Variants in RABGAP1L observed in about 807,000 individuals in gnomAD.
RABGAP1L encodes rab GTPase-activating protein 1-like.
A neutral mutation model predicts 137.7 loss-of-function variants in RABGAP1L; 63 were observed. The observed-to-expected ratio is 0.46, with a 90% CI of 0.37 to 0.56. The LOEUF (loss-of-function observed/expected upper bound fraction) is 0.56, where lower values mean the gene tolerates loss of function less well. Among genes scored for constraint, RABGAP1L ranks in the 20% least tolerant of loss-of-function variants. The pLI is 0.00. For missense variants in RABGAP1L, 1,095 were observed against 1,244.0 expected (o/e 0.88, Z 1.80); for synonymous variants, 431 against 433.7 (o/e 0.99, Z 0.08).
chr1:174,349,315 C>T (rs1376327592), intron 11 of RABGAP1L, among the ~76,000 whole-genome samples: 7 of 123,384 alleles, frequency 5.7e-5, no homozygotes, highest in Middle Eastern at 4.6e-3. Flanking sequence ...CGGGCAGAGG[C>T]GCCCCTCACC....
intron 11 of RABGAP1L, 53 bp from the exon 12 acceptor site, chr1:174,370,926 A>G: frequency 1.1e-6 from 1 of 926,606 alleles, no homozygotes; most frequent in Non-Finnish European, 1.6e-6. Context: ...TATATAAAGT[A>G]TCTACTGTAA....
intron 11 of RABGAP1L, among the ~76,000 whole-genome samples, chr1:174,309,023 C>T (rs1170486443): frequency 6.6e-6 from 1 of 151,950 alleles, no homozygotes; most frequent in Non-Finnish European, 1.5e-5. Flanking sequence ...TATCACTCCA[C>T]TTATTTGTAT....
intron 3 of RABGAP1L, 26 bp downstream of exon 3, chr1:174,221,190 A>G (rs769735194): frequency 1.9e-5 from 27 of 1,439,272 alleles, no homozygotes; most frequent in East Asian, 5.1e-5. Flanking sequence ...CTTAGAAACT[A>G]TTAAAGAAAT....
chr1:174,433,526 T>C (rs1466835395), intron 13 of RABGAP1L, among the ~76,000 whole-genome samples: 4 of 152,204 alleles, frequency 2.6e-5, no homozygotes, highest in Non-Finnish European at 4.4e-5. Context: ...ACTTGGCCCA[T>C]TGTCTTAGAT....
intron 19 of RABGAP1L, among the ~76,000 whole-genome samples, chr1:174,952,710 C>T (rs987422194): frequency 5.3e-5 from 8 of 152,102 alleles, no homozygotes; most frequent in Non-Finnish European, 1.0e-4. Context: ...CCACCTCAGC[C>T]TCCCAAGTAG....
chr1:174,295,690 T>G lies in RABGAP1L; in HGVS notation c.1324-9296T>G, dbSNP rs956220762. Among the ~76,000 whole-genome samples the G allele has an allele frequency of 1.1e-4, 16 of 151,874 alleles. No individual in the cohort carries two copies. The Middle Eastern group carries it at 0.01, about 97-fold the overall frequency. The stretch of plus-strand genomic sequence containing the variant: ...TGAGCCACCGCAGCCAGCCTTTTTT[T>G]TTTTTTTTGGTAGCAGTGGGGTCTC... On this transcript the variant is annotated intron_variant, in intron 10 of 25. Coordinates refer to ENST00000681986, the MANE Select transcript of RABGAP1L (RefSeq NM_001366446.1).
chr1:174,460,884 A>T (rs1005037915), intron 13 of RABGAP1L, among the ~76,000 whole-genome samples: 5 of 152,226 alleles, frequency 3.3e-5, no homozygotes, highest in Non-Finnish European at 7.4e-5. Context: ...GGATGGATGG[A>T]TGGATGAATT....
chr1:174,462,476 G>T (rs1450624965), intron 13 of RABGAP1L, among the ~76,000 whole-genome samples: 6 of 151,776 alleles, frequency 4.0e-5, no homozygotes, highest in Non-Finnish European at 8.8e-5. Context: ...TGAAACCTTT[G>T]TTCCATTTCT....
At chr1:174,250,918 G>A (rs1388740985) in intron 6 of RABGAP1L, among the ~76,000 whole-genome samples, 6 of 151,870 alleles carry the variant, frequency 4.0e-5, no homozygotes, top group African/African-American at 1.5e-4. Flanking sequence ...CTCCTGCCTC[G>A]GCCTCCTAAG....
intron 10 of RABGAP1L, among the ~76,000 whole-genome samples, chr1:174,302,670 G>A (rs1677831984): frequency 6.6e-6 from 1 of 152,176 alleles, no homozygotes; most frequent in African/African-American, 2.4e-5. Context: ...AAGTTTCTAT[G>A]ACTTGACTTT....
intron 1 of RABGAP1L, among the ~76,000 whole-genome samples, chr1:174,162,775 C>CTTTT (rs1571316527): frequency 8.5e-5 from 2 of 23,440 alleles, no homozygotes; most frequent in African/African-American, 1.8e-4. Context: ...TTTTCTCTTT[C>CTTTT]TGTTTTTTTT....
chr1:174,523,172 A>G (rs891129711), intron 13 of RABGAP1L, among the ~76,000 whole-genome samples: 2 of 152,200 alleles, frequency 1.3e-5, no homozygotes, highest in South Asian at 2.1e-4. Flanking sequence ...AAGACTTACA[A>G]ATTCCCTGGG....
chr1:174,177,074 TCAAAA>T (rs773439984), intron 1 of RABGAP1L, among the ~76,000 whole-genome samples: 3 of 152,176 alleles, frequency 2.0e-5, no homozygotes, highest in African/African-American at 4.8e-5. Flanking sequence ...AGACCCTCTC[TCAAAA>T]CAAAACAAAA....
intron 10 of RABGAP1L, among the ~76,000 whole-genome samples, chr1:174,288,446 T>C (rs1037988123): frequency 6.6e-6 from 1 of 152,192 alleles, no homozygotes; most frequent in South Asian, 2.1e-4. Context: ...TTTCTCTCTT[T>C]CATTTCTGCT....
intron 1 of RABGAP1L, among the ~76,000 whole-genome samples, chr1:174,216,168 G>A (rs1229233290): frequency 6.6e-6 from 1 of 152,154 alleles, no homozygotes; most frequent in African/African-American, 2.4e-5. Context: ...GGTGGGATGG[G>A]TAAGGGACAT....
At chr1:174,349,666 G>A (rs1446896704) in intron 11 of RABGAP1L, among the ~76,000 whole-genome samples, 5 of 134,502 alleles carry the variant, frequency 3.7e-5, no homozygotes, top group Non-Finnish European at 8.2e-5. Flanking sequence ...CGGACGAGGC[G>A]GCTGGCCGGG....
Position 174,902,393 on chromosome 1 carries a change from C to T in RABGAP1L, c.2341-55064C>T, listed in dbSNP as rs532393045. ...CTGCCATTGGCTGGCTGGGATTCCA[C>T]GCCAGTCGGTCTTAACTTGTGAGGT... On this transcript the variant is annotated intron_variant, in intron 19 of 25. Coordinates refer to ENST00000681986, the MANE Select transcript of RABGAP1L (RefSeq NM_001366446.1). Among the ~76,000 whole-genome samples, 6 of 152,338 alleles carry T rather than the reference C, an allele frequency of 3.9e-5. No homozygotes were observed. The East Asian group carries it at 7.7e-4, about 20-fold the overall frequency.
rs144524297 is a variant in RABGAP1L, at chr1:174,330,280, A to G, written c.1465+25153A>G. On this transcript the variant is annotated intron_variant, in intron 11 of 25. Transcript: ENST00000681986. The stretch of plus-strand genomic sequence containing the variant: ...ATAGGAAACTATTTGAAAAATCAAG[A>G]AAGAAATCCTATTTATAAGTCAGAT... Among the ~76,000 whole-genome samples the G allele has an allele frequency of 1.1e-4, 16 of 152,258 alleles. No homozygotes were observed. In the East Asian group the frequency reaches 2.1e-3, roughly 20 times the overall value.
At chr1:174,286,418 C>CT (rs1676054291) in intron 10 of RABGAP1L, among the ~76,000 whole-genome samples, 2 of 151,370 alleles carry the variant, frequency 1.3e-5, no homozygotes, top group African/African-American at 4.9e-5. Context: ...AATGCCTCTT[C>CT]TTTCATTTGT....
Sources: gnomAD v4.1 joint callset for allele counts (sites outside exome capture counted in the v4.1 genomes callset) on GRCh38, gnomAD v4.1.1 for gene constraint, MANE v1.5 for transcripts, NCBI Gene and HGNC (gene_info 2026-07-23, HGNC 2026-07-21) for gene names.